The following COL4A2 variants were observed in gnomAD, a reference collection of about 807,000 sequenced individuals.
COL4A2 encodes collagen alpha-2(IV) chain.
Under a neutral mutation model 200.2 loss-of-function variants are expected in COL4A2, and 99 were observed. The ratio of observed to expected loss-of-function variants is 0.49; its 90% confidence interval spans 0.42 to 0.58. The LOEUF is 0.58. Among genes scored for constraint, COL4A2 ranks in the 20% least tolerant of loss-of-function variants. The pLI is 0.00. For synonymous variants in COL4A2, 897 were observed against 900.6 expected (o/e 1.00, Z 0.07); for missense variants, 1,950 against 2,314.1 (o/e 0.84, Z 3.23).
At chr13:110,468,363 A>T in intron 27 of COL4A2, 1 of 468,370 alleles carries the variant, frequency 2.1e-6, no homozygotes, top group Admixed American at 2.4e-5. Context: ...TCATACAGCA[A>T]CCCCCAAAAT....
rs549980716 is a variant in COL4A2, at chr13:110,307,622, G to C, written c.-45+94G>C. On this transcript the variant is annotated intron_variant, in intron 1 of 47. Transcript: ENST00000360467. This position sits in a 1 kb window ranked among gnomAD's most constrained non-coding sequence, Gnocchi z 5.0. ...GCTAGGGCTGCACGCTCTCCTGCTTGGGAGTAGAAAGGGGGAGGGTGGGAG... is the reference window on the plus strand; with the variant it reads ...GCTAGGGCTGCACGCTCTCCTGCTTCGGAGTAGAAAGGGGGAGGGTGGGAG... 2 of 541,756 alleles carry C rather than the reference G, an allele frequency of 3.7e-6. No individual in the cohort carries two copies. Among genetic ancestry groups the C allele is most frequent in the East Asian group, 6.1e-5 (2 of 32,902 alleles). The allele number at this position is 541,756 out of a possible 1,614,324, so 33.6% of individuals were successfully genotyped here. A position where few individuals can be genotyped will look rare whatever the true frequency, so the allele number is the denominator to read the frequency against.
intron 16 of COL4A2, among the ~76,000 whole-genome samples, chr13:110,443,328 C>T (rs1299551681): frequency 1.3e-5 from 2 of 152,208 alleles, no homozygotes; most frequent in South Asian, 4.1e-4. Flanking sequence ...GGCCAGTTCA[C>T]ACCACGAGAG....
In COL4A2 at chr13:110,441,925, C is replaced by CA. The variant is rs111531805; in HGVS notation, c.957+2106dup. 8.9e-3 allele frequency among the ~76,000 whole-genome samples: 1,154 copies of CA among 129,324 alleles called. 15 individuals are homozygous for CA. The highest frequency in any genetic ancestry group is 0.027 in the African/African-American group (938 of 34,934). 84.8% of individuals were successfully genotyped at this position (129,324 alleles called of 152,430 possible). A position where few individuals can be genotyped will look rare whatever the true frequency, so the allele number is the denominator to read the frequency against. ...TGAAACCCTGTCTCTACTAAAAATA[C>CA]AAAAAAAAAAAAAATTACCTGGGTG... On this transcript the variant is annotated intron_variant, in intron 16 of 47. Coordinates refer to ENST00000360467, the MANE Select transcript of COL4A2 (RefSeq NM_001846.4).
At chr13:110,473,994 C>T (rs1882580712) in intron 29 of COL4A2, among the ~76,000 whole-genome samples, 1 of 152,054 alleles carries the variant, frequency 6.6e-6, no homozygotes, top group Admixed American at 6.6e-5. Flanking sequence ...GGGCATGGTG[C>T]TGTGCACCTG....
intron 38 of COL4A2, 149 bp from the exon 39 acceptor site, chr13:110,493,060 AAC>A: frequency 3.4e-6 from 3 of 875,136 alleles, no homozygotes; most frequent in Non-Finnish European, 5.3e-6. Context: ...CAGGTGAAAT[AAC>A]GATGAGTGAC....
At chr13:110,354,299 A>G (rs2139383920) in intron 3 of COL4A2, among the ~76,000 whole-genome samples, 1 of 151,944 alleles carries the variant, frequency 6.6e-6, no homozygotes, top group East Asian at 1.9e-4. Context: ...CGTGTAGTAA[A>G]AGGCATGAAT....
intron 43 of COL4A2, 114 bp from the exon 44 acceptor site, chr13:110,503,733 A>T: frequency 7.6e-7 from 1 of 1,308,206 alleles, no homozygotes; most frequent in Non-Finnish European, 1.1e-6. Flanking sequence ...TAGAAAGCAC[A>T]GTTGTCTGGG....
At position 110,328,803 on chromosome 13, in the gene COL4A2, T is replaced by C. The variant is rs1419821009; in HGVS notation, c.99+20680T>C. ...TCTGAGATCCTAGCGGATCCAAAGC[T>C]ACCATGGAGCCCTAGTCCACTGCAG... On this transcript the variant is annotated intron_variant, in intron 3 of 47. Transcript: ENST00000360467. Among the ~76,000 whole-genome samples the C allele has an allele frequency of 2.6e-5, 4 of 152,210 alleles. No individual in the cohort carries two copies. In the East Asian group the frequency reaches 7.7e-4, roughly 29 times the overall value.
chr13:110,501,919 G>A (rs1363740994), intron 41 of COL4A2, 135 bp downstream of exon 41: 6 of 835,456 alleles, frequency 7.2e-6, no homozygotes, highest in Non-Finnish European at 1.2e-5. Context: ...CAGGAGCCAT[G>A]ATGGCTCCTC....
chr13:110,505,313 G>A (rs1883821422), intron 45 of COL4A2, among the ~76,000 whole-genome samples: 1 of 152,028 alleles, frequency 6.6e-6, no homozygotes, highest in Admixed American at 6.5e-5. Context: ...TCGCGCCACT[G>A]CACTCCAGCC....
chr13:110,452,320 G>A (rs1364756158), intron 20 of COL4A2, among the ~76,000 whole-genome samples: 1 of 152,178 alleles, frequency 6.6e-6, no homozygotes, highest in Non-Finnish European at 1.5e-5. Flanking sequence ...CCGCCCTCAC[G>A]CCCGGCTAAT....
rs1049931 is a variant in COL4A2 at position 110,512,748 on chromosome 13, A to G, written c.*557A>G. 63,262 of 155,224 alleles carry G rather than the reference A, an allele frequency of 0.41. 13,259 individuals carry two copies. Among genetic ancestry groups the G allele is most frequent in the Non-Finnish European group, 0.46 (32,558 of 70,258 alleles). 9.6% of individuals were successfully genotyped at this position (155,224 alleles called of 1,614,324 possible). On this transcript the variant is annotated 3_prime_UTR_variant, in exon 48 of 48. Coordinates refer to ENST00000360467, the MANE Select transcript of COL4A2 (RefSeq NM_001846.4). Reference sequence around the variant, plus strand: ...AGGCAAAACCGTGCTCTTTATTTTAAAAAACACTGATAATCACACTGCGGT... The same window carrying G: ...AGGCAAAACCGTGCTCTTTATTTTAGAAAACACTGATAATCACACTGCGGT...
chr13:110,390,768 AGGGCAGCCTGCG>A (rs1185214656), intron 4 of COL4A2, among the ~76,000 whole-genome samples: 10 of 48,428 alleles, frequency 2.1e-4, no homozygotes, highest in African/African-American at 1.0e-3. Context: ...GAGAAGCGAC[AGGGCAGCCTGCG>A]GTTACACTTG....
At chr13:110,447,853 C>A (rs1456548178) in intron 18 of COL4A2, among the ~76,000 whole-genome samples, 2 of 152,160 alleles carry the variant, frequency 1.3e-5, no homozygotes, top group African/African-American at 4.8e-5. Flanking sequence ...ACCTGGTCTC[C>A]CTGTCCTCTA....
At position 110,378,698 on chromosome 13, in the gene COL4A2, A is replaced by C. The variant is rs192793783; in HGVS notation, c.180+21146A>C. 1.5e-3 allele frequency among the ~76,000 whole-genome samples: 226 copies of C among 152,360 alleles called. 1 individual carries two copies. The highest frequency in any genetic ancestry group is 5.3e-3 in the African/African-American group (221 of 41,590). ...GAAAAGTCGCATTAAAACCCACCCC[A>C]GTGGGCACTTCCTGAATGCAGTATT... On this transcript the variant is annotated intron_variant, in intron 4 of 47. Coordinates refer to ENST00000360467, the MANE Select transcript of COL4A2 (RefSeq NM_001846.4).
chr13:110,511,890 C>G, intron 47 of COL4A2, 44 bp from the exon 48 acceptor site: 1 of 1,612,212 alleles, frequency 6.2e-7, no homozygotes, highest in South Asian at 1.1e-5. Flanking sequence ...GTGCCACCTG[C>G]AGGCTGTGAT....
At chr13:110,464,861 C>A (rs1028481131) in intron 24 of COL4A2, among the ~76,000 whole-genome samples, 2 of 152,088 alleles carry the variant, frequency 1.3e-5, no homozygotes, top group Non-Finnish European at 2.9e-5. Context: ...CCCACCAGCT[C>A]CCCCCCGCAC....
intron 15 of COL4A2, 31 bp downstream of exon 15, chr13:110,438,699 C>CGGTTT (rs755680582): frequency 1.9e-6 from 3 of 1,613,860 alleles, no homozygotes; most frequent in East Asian, 2.2e-5. Flanking sequence ...CTGCAGTTGT[C>CGGTTT]GGTTTGGTTT....
At chr13:110,466,140 C>A in intron 26 of COL4A2, 78 bp downstream of exon 26, 1 of 1,500,830 alleles carries the variant, frequency 6.7e-7, no homozygotes, top group Non-Finnish European at 9.1e-7. Flanking sequence ...TTGCAGTATG[C>A]GTGGGATAAG....
Sources: allele counts gnomAD v4.1 joint callset (sites outside exome capture counted in the v4.1 genomes callset), GRCh38; gene constraint gnomAD v4.1.1; non-coding constraint Gnocchi (gnomAD v3.1); transcripts MANE v1.5; gene names NCBI Gene and HGNC (gene_info 2026-07-23, HGNC 2026-07-21).